SIMC1: variants seen among roughly 807,000 people sequenced by gnomAD.
SIMC1 encodes the protein SUMO-interacting motif-containing protein 1.
SIMC1 carries 55 observed loss-of-function variants against 82.3 expected under a neutral mutation model. That is an observed-to-expected ratio of 0.67 (90% CI 0.54 to 0.84). The LOEUF is 0.84. Among genes scored for constraint, SIMC1 ranks in the 40% least tolerant of loss-of-function variants. The pLI is 0.00. For synonymous variants in SIMC1, 353 were observed against 426.3 expected, an observed-to-expected ratio of 0.83 and a Z score of 2.12; for missense variants, 915 against 1,107.2, an observed-to-expected ratio of 0.83 and a Z score of 2.46.
At chr5:176,272,227 C>A (rs1762474147) in intron 1 of SIMC1, among the ~76,000 whole-genome samples, 1 of 148,162 alleles carries the variant, frequency 6.7e-6, no homozygotes, top group South Asian at 2.1e-4. Flanking sequence ...CACCTGCAGT[C>A]CCTGCTACAT....
intron 1 of SIMC1, among the ~76,000 whole-genome samples, chr5:176,249,842 T>TTAA (rs1761588126): frequency 1.0e-4 from 1 of 10,010 alleles, no homozygotes; most frequent in South Asian, 2.3e-3. Context: ...AGATTCCGTC[T>TTAA]CAAAAAAAAA....
intron 4 of SIMC1, among the ~76,000 whole-genome samples, chr5:176,298,365 C>G (rs189283973): frequency 1.3e-3 from 199 of 152,288 alleles, no homozygotes; most frequent in Middle Eastern, 0.01. Flanking sequence ...GGATTACAGG[C>G]GTGAGCCACC....
intron 1 of SIMC1, among the ~76,000 whole-genome samples, chr5:176,269,343 AAATC>A (rs1388056595): frequency 2.0e-5 from 3 of 152,064 alleles, no homozygotes; most frequent in African/African-American, 7.3e-5. Flanking sequence ...AATTGGGAAT[AAATC>A]TATACAGAGT....
At chr5:176,285,082 T>G (rs930967221) in intron 1 of SIMC1, among the ~76,000 whole-genome samples, 6 of 152,240 alleles carry the variant, frequency 3.9e-5, no homozygotes, top group African/African-American at 1.4e-4. Flanking sequence ...GTACCATTCC[T>G]TCTGAAACTA....
chr5:176,271,471 A>G (rs745933694), intron 1 of SIMC1, among the ~76,000 whole-genome samples: 1 of 152,204 alleles, frequency 6.6e-6, no homozygotes, highest in Non-Finnish European at 1.5e-5. Flanking sequence ...GTTAAGTGAA[A>G]TAAGTTAGGC....
rs1162307977 is a variant in SIMC1, at chr5:176,272,172, C to CAAAAA, written c.130-17460_130-17456dup. ...AGTCTGTAGTGACATCCCATCTCTA[C>CAAAAA]AAAAAAAAAAAAAAAAAAAAAAAAA... On this transcript the variant is annotated intron_variant, in intron 1 of 9. Transcript: ENST00000429602. 1.6e-3 allele frequency among the ~76,000 whole-genome samples: 32 copies of CAAAAA among 19,970 alleles called. 1 individual carries two copies. The highest frequency in any genetic ancestry group is 4.4e-3 in the African/African-American group (31 of 7,126). The allele number at this position is 19,970 out of a possible 152,430, so 13.1% of individuals were successfully genotyped here.
chr5:176,345,119 A>G (rs1766381905), intron 9 of SIMC1, 64 bp from the exon 10 acceptor site: 3 of 1,546,496 alleles, frequency 1.9e-6, no homozygotes, highest in Admixed American at 2.0e-5. Flanking sequence ...TACCAAAATT[A>G]GACTTCTTAA....
At chr5:176,303,430 C>T (rs1197418410) in intron 4 of SIMC1, among the ~76,000 whole-genome samples, 1 of 150,290 alleles carries the variant, frequency 6.7e-6, no homozygotes, top group East Asian at 2.0e-4. Context: ...TGGGTTTAAG[C>T]GATGCCTCAG....
At chr5:176,255,639 C>A (rs1581221222) in intron 1 of SIMC1, among the ~76,000 whole-genome samples, 3 of 120,044 alleles carry the variant, frequency 2.5e-5, no homozygotes, top group Admixed American at 9.2e-5. Flanking sequence ...ATGAAATGTA[C>A]ATGTAAAATA....
chr5:176,305,537 G>A (rs1291457656), intron 4 of SIMC1, among the ~76,000 whole-genome samples: 3 of 140,802 alleles, frequency 2.1e-5, no homozygotes, highest in African/African-American at 5.4e-5. Context: ...AGGTGGGGGG[G>A]TCAGCCCCCC....
intron 1 of SIMC1, among the ~76,000 whole-genome samples, chr5:176,288,228 T>G (rs895167765): frequency 7.9e-5 from 12 of 152,036 alleles, no homozygotes; most frequent in Non-Finnish European, 1.5e-5. Context: ...GCCAACATGG[T>G]GAAACCTCAT....
chr5:176,286,178 A>T (rs1409122240), intron 1 of SIMC1, among the ~76,000 whole-genome samples: 1 of 152,306 alleles, frequency 6.6e-6, no homozygotes, highest in Non-Finnish European at 1.5e-5. Flanking sequence ...TGCATTGCCA[A>T]GACAGTCCTA....
At position 176,238,429 on chromosome 5, in the gene SIMC1, G is replaced by GCCGCCCCCT. The variant is rs1303401798; in HGVS notation, c.-75_-74insCCCTCCGCC. ...TAGCCGCCGCCGCTGCCGCCGCCCC[G>GCCGCCCCCT]CCGCCGCCACCTCAGAAGCAGGAAC... On this transcript the variant is annotated 5_prime_UTR_variant, in exon 1 of 10. Coordinates refer to ENST00000429602, the MANE Select transcript of SIMC1 (RefSeq NM_001308195.2). 9.8e-5 allele frequency: 6 copies of GCCGCCCCCT among 61,380 alleles called. No individual in the cohort carries two copies. Among genetic ancestry groups the GCCGCCCCCT allele is most frequent in the African/African-American group, 4.1e-4 (6 of 14,788 alleles). The allele number at this position is 61,380 out of a possible 1,614,324, so 3.8% of individuals were successfully genotyped here.
At chr5:176,335,631 T>C (rs1765859733) in intron 7 of SIMC1, among the ~76,000 whole-genome samples, 1 of 152,150 alleles carries the variant, frequency 6.6e-6, no homozygotes, top group Non-Finnish European at 1.5e-5. Flanking sequence ...GTACAGTTCC[T>C]ACTGTGTTCC....
intron 1 of SIMC1, among the ~76,000 whole-genome samples, chr5:176,255,597 T>A (rs1581221172): frequency 8.5e-6 from 1 of 117,056 alleles, no homozygotes; most frequent in Non-Finnish European, 1.8e-5. Flanking sequence ...TTTTTTTTTT[T>A]AAAGAAAAAG....
intron 1 of SIMC1, among the ~76,000 whole-genome samples, chr5:176,257,022 A>T (rs1761868860): frequency 6.6e-6 from 1 of 152,178 alleles, no homozygotes; most frequent in Admixed American, 6.5e-5. Flanking sequence ...CTCCCAAAGC[A>T]CTGGGATTAC....
chr5:176,304,931 G>A (rs1365622532), intron 4 of SIMC1, among the ~76,000 whole-genome samples: 6 of 130,496 alleles, frequency 4.6e-5, no homozygotes, highest in African/African-American at 1.7e-4. Context: ...TCTGAGAAGT[G>A]AGGAGACCCT....
chr5:176,262,662 A>G (rs1391943149), intron 1 of SIMC1, among the ~76,000 whole-genome samples: 1 of 152,136 alleles, frequency 6.6e-6, no homozygotes, highest in Non-Finnish European at 1.5e-5. Flanking sequence ...CAAATCAGCC[A>G]GGCATGGTGG....
At chr5:176,284,198 C>G (rs1023943433) in intron 1 of SIMC1, among the ~76,000 whole-genome samples, 3 of 152,206 alleles carry the variant, frequency 2.0e-5, no homozygotes, top group Non-Finnish European at 4.4e-5. Context: ...ACAGAACTCT[C>G]CACCCCAAAT....
Sources: gnomAD v4.1 joint callset for allele counts (sites outside exome capture counted in the v4.1 genomes callset) on GRCh38, gnomAD v4.1.1 for gene constraint, MANE v1.5 for transcripts, NCBI Gene and HGNC (gene_info 2026-07-23, HGNC 2026-07-21) for gene names.